Variants in C13orf42 observed in about 807,000 individuals in gnomAD.
C13orf42 encodes chromosome 13 open reading frame 42.
At chr13:51,157,535 G>A (rs1953833823) in intron 1 of C13orf42, among the ~76,000 whole-genome samples, 1 of 152,236 alleles carries the variant, frequency 6.6e-6, no homozygotes, top group South Asian at 2.1e-4. Context: ...CATTTTGCCT[G>A]CTCGTGAACT....
chr13:51,146,723 G>T lies in C13orf42; in HGVS notation n.136+25530C>A, dbSNP rs116874305. Among the ~76,000 whole-genome samples the T allele has an allele frequency of 4.1e-4, 63 of 152,342 alleles. No homozygotes were observed. In the East Asian group the frequency reaches 7.1e-3, roughly 17 times the overall value. ...CAGTTTCTGATTAGCTCTTCCAAAG[G>T]AGGCAATCAAATACACATTTATCTC... On this transcript the variant is annotated intron_variant and non_coding_transcript_variant, in intron 1 of 4. Coordinates refer to the C13orf42 transcript ENST00000433280.
chr13:51,156,559 C>A (rs1197899705), intron 1 of C13orf42, among the ~76,000 whole-genome samples: 1 of 152,158 alleles, frequency 6.6e-6, no homozygotes, highest in Non-Finnish European at 1.5e-5. Flanking sequence ...GCCACACAGA[C>A]CAAGGTTAAA....
intron 1 of C13orf42, among the ~76,000 whole-genome samples, chr13:51,100,916 T>C (rs573480161): frequency 6.6e-6 from 1 of 152,310 alleles, no homozygotes; most frequent in African/African-American, 2.4e-5. Flanking sequence ...TAAATTTGCC[T>C]TTTAAGCTTT....
At chr13:51,172,274 C>T (rs1302197433) in exon 1 of C13orf42, 2 of 152,108 alleles carry the variant, frequency 1.3e-5, no homozygotes, top group Non-Finnish European at 2.9e-5. Context: ...TCCCAGAGCC[C>T]CTGGAACTCT....
chr13:51,089,979 G>T (rs1039410838), intron 1 of C13orf42, among the ~76,000 whole-genome samples: 1 of 151,902 alleles, frequency 6.6e-6, no homozygotes, highest in African/African-American at 2.4e-5. Context: ...CAGCTGAGAA[G>T]AGGGACAATT....
At position 51,170,384 on chromosome 13, in the gene C13orf42, C is replaced by T. The variant is rs531979420; in HGVS notation, n.136+1869G>A. ...CAATCCCCTGTCCTCCTGCTCTTTG[C>T]TCCGTGAGAAACATCCACCTACGAC... On this transcript the variant is annotated intron_variant and non_coding_transcript_variant, in intron 1 of 4. Transcript: ENST00000433280. 8.3e-4 allele frequency among the ~76,000 whole-genome samples: 126 copies of T among 152,290 alleles called. 2 individuals are homozygous for T. Among genetic ancestry groups the T allele is most frequent in the Non-Finnish European group, 8.2e-4 (56 of 68,042 alleles).
At position 51,093,331 on chromosome 13, in the gene C13orf42, G is replaced by T. The variant is rs56918837; in HGVS notation, c.415-5256C>A. On this transcript the variant is annotated intron_variant, in intron 1 of 3. Transcript: ENST00000563710. ...TCAAATTCCCTATAACTGGTCCTCAGATCTGGAGCAGGGCTGTCCAGTAGG... is the reference window on the plus strand; with the variant it reads ...TCAAATTCCCTATAACTGGTCCTCATATCTGGAGCAGGGCTGTCCAGTAGG... 3.0e-3 allele frequency among the ~76,000 whole-genome samples: 463 copies of T among 152,276 alleles called. 14 individuals are homozygous for T. In the East Asian group the frequency reaches 0.081, roughly 27 times the overall value.
intron 1 of C13orf42, among the ~76,000 whole-genome samples, chr13:51,106,796 A>G (rs1953361102): frequency 6.6e-6 from 1 of 152,178 alleles, no homozygotes; most frequent in Admixed American, 6.5e-5. Flanking sequence ...CACTTCAAAC[A>G]TGCCATCCTT....
intron 1 of C13orf42, among the ~76,000 whole-genome samples, chr13:51,130,325 G>T (rs577186637): frequency 6.6e-6 from 1 of 152,102 alleles, no homozygotes; most frequent in African/African-American, 2.4e-5. Flanking sequence ...TCTAGATAAG[G>T]CCTGGGAACA....
At chr13:51,086,729 G>A (rs1953131712) in intron 2 of C13orf42, among the ~76,000 whole-genome samples, 1 of 152,056 alleles carries the variant, frequency 6.6e-6, no homozygotes, top group Non-Finnish European at 1.5e-5. Flanking sequence ...TTATAACTCT[G>A]AAAATGACCC....
intron 1 of C13orf42, among the ~76,000 whole-genome samples, chr13:51,099,607 G>A (rs1194074872): frequency 2.0e-5 from 3 of 152,142 alleles, no homozygotes; most frequent in Non-Finnish European, 4.4e-5. Context: ...AACAGTTTTA[G>A]GCTTACTTTT....
intron 1 of C13orf42, among the ~76,000 whole-genome samples, chr13:51,170,183 A>G (rs969525086): frequency 2.0e-5 from 3 of 152,092 alleles, no homozygotes; most frequent in African/African-American, 7.3e-5. Flanking sequence ...CCCAAATCCT[A>G]TAAAACGGCC....
At chr13:51,103,553 T>A (rs1953315748) in intron 1 of C13orf42, among the ~76,000 whole-genome samples, 1 of 151,958 alleles carries the variant, frequency 6.6e-6, no homozygotes, top group African/African-American at 2.4e-5. Context: ...ATACAAAAAT[T>A]AGCCAGGTGT....
chr13:51,086,364 G>T (rs17075308), intron 2 of C13orf42, among the ~76,000 whole-genome samples: 5,831 of 151,314 alleles, frequency 0.039, 364 homozygotes, highest in African/African-American at 0.13. Flanking sequence ...CTATATTTAT[G>T]GGCTTGGAAA....
intron 1 of C13orf42, among the ~76,000 whole-genome samples, chr13:51,148,110 A>C (rs1402236885): frequency 6.6e-6 from 1 of 152,164 alleles, no homozygotes; most frequent in Non-Finnish European, 1.5e-5. Flanking sequence ...TAGCACTTTG[A>C]CCCATGTGAT....
chr13:51,116,686 C>T (rs1953494882), intron 1 of C13orf42, among the ~76,000 whole-genome samples: 1 of 152,216 alleles, frequency 6.6e-6, no homozygotes, highest in Non-Finnish European at 1.5e-5. Flanking sequence ...ATTTGTTTAT[C>T]TATTACTATG....
intron 1 of C13orf42, among the ~76,000 whole-genome samples, chr13:51,099,910 A>G (rs1219778872): frequency 6.6e-6 from 1 of 152,388 alleles, no homozygotes; most frequent in South Asian, 2.1e-4. Context: ...AGTTAATAAA[A>G]TGTTGCTCAT....
At chr13:51,142,017 C>T (rs529372320) in intron 1 of C13orf42, among the ~76,000 whole-genome samples, 42 of 152,264 alleles carry the variant, frequency 2.8e-4, no homozygotes, top group Middle Eastern at 6.8e-3. Context: ...TATAAGGTGT[C>T]AAAATTTGGC....
intron 1 of C13orf42, among the ~76,000 whole-genome samples, chr13:51,129,922 G>GGT (rs1953603772): frequency 6.6e-6 from 1 of 152,162 alleles, no homozygotes; most frequent in Non-Finnish European, 1.5e-5. Flanking sequence ...TGTCTTCTAT[G>GGT]TCCTTGGGAA....
Sources: gnomAD v4.1 joint callset for allele counts (sites outside exome capture counted in the v4.1 genomes callset) on GRCh38, gnomAD v4.1.1 for gene constraint, MANE v1.5 for transcripts, NCBI Gene and HGNC (gene_info 2026-07-23, HGNC 2026-07-21) for gene names.